LTBP1: variants seen among roughly 807,000 people sequenced by gnomAD.
LTBP1 encodes latent-transforming growth factor beta-binding protein 1.
In LTBP1, 129 loss-of-function variants were observed where a neutral mutation model predicts 207.6. The observed-to-expected ratio is 0.62, with a 90% CI of 0.54 to 0.72. LTBP1 has a LOEUF of 0.72. Ranked by LOEUF, LTBP1 falls within the 30% of genes least tolerant of loss-of-function variation. The pLI is 0.00. For missense variants in LTBP1, 2,281 were observed against 2,217.2 expected (o/e 1.03, Z -0.58); for synonymous variants, 963 against 833.7 (o/e 1.16, Z -2.67).
At chr2:33,314,274 G>A (rs1191168204) in intron 23 of LTBP1, among the ~76,000 whole-genome samples, 2 of 152,186 alleles carry the variant, frequency 1.3e-5, no homozygotes. Context: ...TCTCAGCCAA[G>A]CATGGTGGCT....
At chr2:32,995,423 T>C (rs1254570358) in intron 2 of LTBP1, among the ~76,000 whole-genome samples, 1 of 152,146 alleles carries the variant, frequency 6.6e-6, no homozygotes, top group Admixed American at 6.5e-5. Context: ...TCTGTCTTGG[T>C]TGAAGGCTAA....
In LTBP1 at chr2:33,277,767, T is replaced by TTCTTTCTTTCTTTCTTTC. The variant is rs1257117250; in HGVS notation, c.2992+1846_2992+1863dup. On this transcript the variant is annotated intron_variant, in intron 18 of 33. Coordinates refer to ENST00000404816, the MANE Select transcript of LTBP1 (RefSeq NM_206943.4). ...AATACTGATTTTTTTTTCCCTTTCT[T>TTCTTTCTTTCTTTCTTTC]TCTTTCTTTCTTTCTTTCTTTCTTT... Among the ~76,000 whole-genome samples the TTCTTTCTTTCTTTCTTTC allele has an allele frequency of 1.1e-3, 35 of 32,794 alleles. 1 individual carries two copies. Among genetic ancestry groups the TTCTTTCTTTCTTTCTTTC allele is most frequent in the African/African-American group, 2.5e-3 (31 of 12,404 alleles). 21.5% of individuals were successfully genotyped at this position (32,794 alleles called of 152,430 possible). A position where few individuals can be genotyped will look rare whatever the true frequency, so the allele number is the denominator to read the frequency against.
At chr2:33,118,099 C>T (rs1158839309) in intron 4 of LTBP1, among the ~76,000 whole-genome samples, 1 of 151,568 alleles carries the variant, frequency 6.6e-6, no homozygotes, top group Admixed American at 6.6e-5. Flanking sequence ...TGCAGATGGA[C>T]CAAGTGGGTC....
At position 33,035,326 on chromosome 2, in the gene LTBP1, G is replaced by A. The variant is rs2075870946; in HGVS notation, c.863+14120G>A. ...GCTATATACCTTGATATGGAGATGA[G>A]AAGTAAGCAAAACTGCGTAGAGTTC... On this transcript the variant is annotated intron_variant, in intron 3 of 33. Coordinates refer to ENST00000404816, the MANE Select transcript of LTBP1 (RefSeq NM_206943.4). 2.0e-5 allele frequency among the ~76,000 whole-genome samples: 3 copies of A among 152,328 alleles called. No homozygotes were observed. In the South Asian group the frequency reaches 6.2e-4, roughly 32 times the overall value.
At position 33,187,054 on chromosome 2, in the gene LTBP1, C is replaced by A. The variant is rs376639670; in HGVS notation, c.1400C>A (p.Thr467Asn). The A allele has an allele frequency of 6.2e-7, 1 of 1,614,020 alleles. No individual in the cohort carries two copies. Among genetic ancestry groups the A allele is most frequent in the Non-Finnish European group, 8.5e-7 (1 of 1,180,012 alleles). Reference sequence around the variant, plus strand: ...CATTCAACACATACCTTGCCTCTGACCGTGACTAGCCAGCAAGGAGTCAAA... The same window carrying A: ...CATTCAACACATACCTTGCCTCTGAACGTGACTAGCCAGCAAGGAGTCAAA... ...VIHSTHTLPL[T>N]VTSQQGVKVK... Residue 467 changes from threonine (T) to asparagine (N), a missense_variant, in exon 6 of 34, where the codon ACC (threonine) becomes AAC (asparagine). Physicochemically the swap from Thr to Asn is moderately conservative, Grantham distance 65. Coordinates refer to ENST00000404816, the MANE Select transcript of LTBP1 (RefSeq NM_206943.4).
At chr2:32,956,768 A>G (rs898577371) in intron 2 of LTBP1, among the ~76,000 whole-genome samples, 1 of 152,192 alleles carries the variant, frequency 6.6e-6, no homozygotes. Flanking sequence ...AGGAATCACT[A>G]TCTATGACAG....
intron 32 of LTBP1, among the ~76,000 whole-genome samples, chr2:33,395,227 TC>T (rs1320663584): frequency 6.6e-6 from 1 of 152,166 alleles, no homozygotes; most frequent in Non-Finnish European, 1.5e-5. Flanking sequence ...TTCAACAAAA[TC>T]AAGTGACTTG....
chr2:33,064,848 C>T (rs1558585828), intron 3 of LTBP1, among the ~76,000 whole-genome samples: 1 of 152,136 alleles, frequency 6.6e-6, no homozygotes, highest in African/African-American at 2.4e-5. Context: ...TTAGTCATGT[C>T]ATGTCAAATA....
At chr2:33,008,496 A>G (rs541700775) in intron 2 of LTBP1, among the ~76,000 whole-genome samples, 1 of 152,234 alleles carries the variant, frequency 6.6e-6, no homozygotes, top group Non-Finnish European at 1.5e-5. Context: ...TATGGTATAA[A>G]CAAAAAATTA....
intron 2 of LTBP1, among the ~76,000 whole-genome samples, chr2:32,999,547 A>AC (rs1259763286): frequency 1.5e-5 from 2 of 133,516 alleles, no homozygotes; most frequent in African/African-American, 2.6e-5. Context: ...CCAGAATGTG[A>AC]CCCCACACCC....
intron 10 of LTBP1, among the ~76,000 whole-genome samples, chr2:33,250,706 G>A (rs574550591): frequency 7.2e-4 from 110 of 152,278 alleles, no homozygotes; most frequent in Middle Eastern, 3.4e-3. Flanking sequence ...GCTGCCGAGA[G>A]GGAGCTCATG....
chr2:33,203,078 G>T (rs912499498), intron 7 of LTBP1, among the ~76,000 whole-genome samples: 5 of 111,052 alleles, frequency 4.5e-5, no homozygotes, highest in African/African-American at 1.7e-4. Flanking sequence ...TGAGTCTCTT[G>T]TGGCTCTAAA....
intron 31 of LTBP1, among the ~76,000 whole-genome samples, chr2:33,373,069 G>T (rs2095089598): frequency 6.6e-6 from 1 of 152,144 alleles, no homozygotes. Context: ...TAAGTAAATT[G>T]TTAAAGTAAT....
intron 8 of LTBP1, among the ~76,000 whole-genome samples, chr2:33,220,653 A>C (rs2091044670): frequency 2.0e-5 from 3 of 152,212 alleles, no homozygotes; most frequent in Non-Finnish European, 4.4e-5. Flanking sequence ...GAAAGTTCTA[A>C]AACAAGTTCA....
rs2095367251 is a variant in LTBP1 at position 33,397,268 on chromosome 2, A to G, written c.4970A>G (p.Lys1657Arg). The change falls in exon 33 of 34, where the codon AAG becomes AGG. Residue 1657 changes from lysine to arginine, a missense_variant. By Grantham distance (26) the Lys-to-Arg change is conservative. Transcript: ENST00000404816. ...GATGGGTATCACTTGGATACGGCCA[A>G]GATGACCTGTGTCGGTAAGAATGAC... is the stretch of plus-strand genomic sequence containing the variant. ...CFDGYHLDTA[K>R]MTCVDVNECD... The G allele has an allele frequency of 6.2e-7, 1 of 1,614,122 alleles. No individual in the cohort carries two copies. The highest frequency in any genetic ancestry group is 8.5e-7 in the Non-Finnish European group (1 of 1,179,964).
At chr2:33,223,150 A>G (rs2091228492) in intron 9 of LTBP1, among the ~76,000 whole-genome samples, 1 of 152,206 alleles carries the variant, frequency 6.6e-6, no homozygotes, top group Admixed American at 6.6e-5. Context: ...GGCTCATGTC[A>G]AAGGAATATC....
intron 5 of LTBP1, among the ~76,000 whole-genome samples, chr2:33,138,447 C>CTT (rs200975479): frequency 2.3e-4 from 34 of 145,792 alleles, no homozygotes; most frequent in Non-Finnish European, 3.6e-4. Context: ...ATGATAATGA[C>CTT]TTTTTTTTTT....
intron 8 of LTBP1, among the ~76,000 whole-genome samples, chr2:33,221,198 C>T (rs1409593761): frequency 6.6e-6 from 1 of 152,088 alleles, no homozygotes; most frequent in African/African-American, 2.4e-5. Flanking sequence ...CACTTAGGCC[C>T]TGTGGTAGGC....
At chr2:33,183,624 A>G (rs1391948962) in intron 5 of LTBP1, among the ~76,000 whole-genome samples, 4 of 152,216 alleles carry the variant, frequency 2.6e-5, no homozygotes, top group Non-Finnish European at 5.9e-5. Context: ...TATTGGAACC[A>G]TACCAAGTGA....
Sources: allele counts gnomAD v4.1 joint callset (sites outside exome capture counted in the v4.1 genomes callset), GRCh38; gene constraint gnomAD v4.1.1; transcripts MANE v1.5; gene names NCBI Gene and HGNC (gene_info 2026-07-23, HGNC 2026-07-21).